Variants in EXOC4 observed in about 807,000 individuals in gnomAD.
EXOC4 encodes exocyst complex component 4.
A neutral mutation model predicts 107.2 loss-of-function variants in EXOC4; 71 were observed. The observed-to-expected ratio is 0.66, with a 90% confidence interval of 0.55 to 0.81. The LOEUF is 0.81. Ranked by LOEUF, EXOC4 falls within the 30% of genes least tolerant of loss-of-function variation. The pLI is 0.00. For missense variants in EXOC4, 1,108 were observed against 1,189.6 expected, an observed-to-expected ratio of 0.93 and a Z score of 1.01; for synonymous variants, 456 against 441.2, an observed-to-expected ratio of 1.03 and a Z score of -0.42.
chr7:133,873,133 A>G (rs2116404423), intron 11 of EXOC4, among the ~76,000 whole-genome samples: 1 of 152,270 alleles, frequency 6.6e-6, no homozygotes, highest in East Asian at 1.9e-4. Flanking sequence ...ACATAGTGAG[A>G]CCCCATCTCT....
chr7:133,898,477 G>T (rs1479733260), intron 12 of EXOC4, among the ~76,000 whole-genome samples: 1 of 151,978 alleles, frequency 6.6e-6, no homozygotes, highest in African/African-American at 2.4e-5. Flanking sequence ...CCGATGCAGT[G>T]GCTCACGCCT....
intron 4 of EXOC4, among the ~76,000 whole-genome samples, chr7:133,310,427 A>T (rs908108422): frequency 2.0e-5 from 3 of 152,240 alleles, no homozygotes; most frequent in African/African-American, 7.2e-5. Flanking sequence ...TGTGTCCTTC[A>T]AGGTCCTCTG....
chr7:134,068,109 C>T (rs1056177911), downstream of EXOC4, among the ~76,000 whole-genome samples: 2 of 152,132 alleles, frequency 1.3e-5, no homozygotes, highest in African/African-American at 4.8e-5. Flanking sequence ...CTGCTACAGC[C>T]CATACTCTTG....
intron 17 of EXOC4, among the ~76,000 whole-genome samples, chr7:134,046,469 T>TA (rs1016675590): frequency 2.1e-3 from 302 of 140,562 alleles, no homozygotes; most frequent in African/African-American, 5.1e-3. Flanking sequence ...GACTATGTCT[T>TA]AAAAAAAAAA....
chr7:133,728,732 T>C (rs1474091102), intron 10 of EXOC4, among the ~76,000 whole-genome samples: 1 of 152,190 alleles, frequency 6.6e-6, no homozygotes, highest in African/African-American at 2.4e-5. Flanking sequence ...GAAGGACTTC[T>C]ATGTACAAGT....
At chr7:134,018,968 T>A (rs1481611540) in intron 17 of EXOC4, among the ~76,000 whole-genome samples, 1 of 152,232 alleles carries the variant, frequency 6.6e-6, no homozygotes, top group East Asian at 1.9e-4. Flanking sequence ...TCTTGCTCTG[T>A]CACCCAGGCT....
chr7:133,450,489 C>A (rs1171890916), intron 7 of EXOC4, among the ~76,000 whole-genome samples: 1 of 152,112 alleles, frequency 6.6e-6, no homozygotes, highest in Non-Finnish European at 1.5e-5. Context: ...GTATCTTTTC[C>A]TCACTTTTTC....
chr7:133,464,704 A>G (rs929027895), intron 7 of EXOC4, among the ~76,000 whole-genome samples: 2 of 152,012 alleles, frequency 1.3e-5, no homozygotes, highest in Non-Finnish European at 2.9e-5. Flanking sequence ...TTATGATGAA[A>G]CATACTAGTC....
chr7:133,636,836 A>G (rs1802723854), intron 10 of EXOC4, among the ~76,000 whole-genome samples: 1 of 152,222 alleles, frequency 6.6e-6, no homozygotes, highest in Non-Finnish European at 1.5e-5. Context: ...AGTTAAGAAG[A>G]TGAACCTCTC....
At chr7:133,639,499 G>C (rs1802799899) in intron 10 of EXOC4, among the ~76,000 whole-genome samples, 2 of 151,784 alleles carry the variant, frequency 1.3e-5, no homozygotes, top group Admixed American at 1.3e-4. Context: ...ACAAAAATAG[G>C]CCCCAAAATA....
chr7:133,522,121 CCA>C, intron 9 of EXOC4, among the ~76,000 whole-genome samples: 1 of 152,090 alleles, frequency 6.6e-6, no homozygotes, highest in Non-Finnish European at 1.5e-5. Flanking sequence ...GAGTTGAATA[CCA>C]GTCGTAAAGC....
chr7:134,084,708 G>A, the EXOC4 span, among the ~76,000 whole-genome samples: 302 of 86,590 alleles, frequency 3.5e-3, no homozygotes, highest in Middle Eastern at 0.021. Context: ...TGGTGCAGCC[G>A]TAAAAAAAAA....
intron 17 of EXOC4, among the ~76,000 whole-genome samples, chr7:134,043,312 A>G (rs1795566754): frequency 6.6e-6 from 1 of 152,010 alleles, no homozygotes; most frequent in South Asian, 2.1e-4. Flanking sequence ...TCTTAATGAC[A>G]CCCTGGCTGC....
At chr7:133,481,362 C>T (rs961498940) in intron 9 of EXOC4, among the ~76,000 whole-genome samples, 1 of 144,098 alleles carries the variant, frequency 6.9e-6, no homozygotes, top group East Asian at 2.1e-4. Flanking sequence ...CTGGGCTTTT[C>T]TCCATGAGGG....
At chr7:133,587,864 G>A (rs148532088) in intron 9 of EXOC4, among the ~76,000 whole-genome samples, 9 of 151,990 alleles carry the variant, frequency 5.9e-5, no homozygotes, top group African/African-American at 1.9e-4. Flanking sequence ...TTTGAACTTT[G>A]CAAAAAGAAA....
intron 11 of EXOC4, 106 bp from the exon 12 acceptor site, chr7:133,895,493 A>G (rs1799285439): frequency 1.8e-6 from 2 of 1,132,520 alleles, no homozygotes; most frequent in Non-Finnish European, 2.6e-6. Context: ...ACATTCTTGC[A>G]GGAGAGCTCA....
chr7:133,294,591 A>G (rs1195148654), intron 3 of EXOC4, among the ~76,000 whole-genome samples: 1 of 152,138 alleles, frequency 6.6e-6, no homozygotes, highest in African/African-American at 2.4e-5. Flanking sequence ...AAGGGTTATT[A>G]TGATAATTAT....
chr7:133,286,743 T>G (rs1794287088), intron 2 of EXOC4, among the ~76,000 whole-genome samples: 1 of 152,244 alleles, frequency 6.6e-6, no homozygotes, highest in South Asian at 2.1e-4. Context: ...GGAGCCTAAC[T>G]ATTGACGGAG....
At chr7:133,671,587 A>C (rs1585068460) in intron 10 of EXOC4, among the ~76,000 whole-genome samples, 1 of 152,056 alleles carries the variant, frequency 6.6e-6, no homozygotes, top group East Asian at 1.9e-4. Context: ...ATAAGTAAAT[A>C]AATAGGATGG....
Sources: allele counts gnomAD v4.1 joint callset (sites outside exome capture counted in the v4.1 genomes callset), GRCh38; gene constraint gnomAD v4.1.1; transcripts MANE v1.5; gene names NCBI Gene and HGNC (gene_info 2026-07-23, HGNC 2026-07-21).